The following PDZD8 variants were observed in gnomAD, a reference collection of about 807,000 sequenced individuals.
PDZD8 encodes the protein PDZ domain containing 8.
PDZD8 carries 14 observed loss-of-function variants against 85.8 expected under a neutral mutation model. That is an observed-to-expected ratio of 0.16 (90% CI 0.11 to 0.26). The LOEUF (loss-of-function observed/expected upper bound fraction) is 0.26, where lower values mean the gene tolerates loss of function less well. Among genes scored for constraint, PDZD8 ranks in the 10% least tolerant of loss-of-function variants. PDZD8 has a pLI of 1.00. For missense variants in PDZD8, 1,197 were observed against 1,424.3 expected (o/e 0.84, Z 2.57); for synonymous variants, 592 against 568.6 (o/e 1.04, Z -0.59).
At chr10:117,302,199 C>T (rs2133782410) in intron 3 of PDZD8, among the ~76,000 whole-genome samples, 1 of 152,322 alleles carries the variant, frequency 6.6e-6, no homozygotes, top group Middle Eastern at 3.4e-3. Flanking sequence ...GGACCCTCAA[C>T]TACTTGGAAA....
intron 3 of PDZD8, among the ~76,000 whole-genome samples, chr10:117,299,680 T>A (rs1250362891): frequency 2.0e-5 from 3 of 152,164 alleles, no homozygotes; most frequent in Non-Finnish European, 4.4e-5. Flanking sequence ...TTGCTTTTTC[T>A]TTATGATATC....
In PDZD8 at chr10:117,319,073, T is replaced by C. The variant is rs1274502208; in HGVS notation, c.996-99A>G. The C allele has an allele frequency of 9.1e-6, 7 of 773,352 alleles. No homozygotes were observed. In the East Asian group the frequency reaches 1.4e-4, roughly 15 times the overall value. The allele number at this position is 773,352 out of a possible 1,614,324, so 47.9% of individuals were successfully genotyped here. ...TAACAAGAAACAACACATTACTCCA[T>C]TACTATTATAGCTTTAGTAACAGAA... On this transcript the variant is annotated intron_variant, in intron 2 of 4. Coordinates refer to ENST00000334464, the MANE Select transcript of PDZD8 (RefSeq NM_173791.5).
At chr10:117,309,862 T>C (rs1277419349) in intron 3 of PDZD8, among the ~76,000 whole-genome samples, 2 of 151,952 alleles carry the variant, frequency 1.3e-5, no homozygotes, top group African/African-American at 2.4e-5. Flanking sequence ...ATGAAACGGG[T>C]TTGGGGACTC....
At chr10:117,359,407 C>A (rs992065000) in intron 1 of PDZD8, among the ~76,000 whole-genome samples, 9 of 151,002 alleles carry the variant, frequency 6.0e-5, no homozygotes, top group South Asian at 4.2e-4. Context: ...CAGAGCGAGA[C>A]CCTGTTTCAA....
chr10:117,331,498 G>A (rs1248939484), intron 2 of PDZD8, among the ~76,000 whole-genome samples: 1 of 152,090 alleles, frequency 6.6e-6, no homozygotes, highest in Non-Finnish European at 1.5e-5. Context: ...AATAAAGGCA[G>A]TTGTCTTTTG....
chr10:117,334,270 G>C (rs1844478313), intron 2 of PDZD8, among the ~76,000 whole-genome samples: 1 of 152,172 alleles, frequency 6.6e-6, no homozygotes, highest in Non-Finnish European at 1.5e-5. Flanking sequence ...GGTTGAAGCT[G>C]GTGGGCTGGA....
At chr10:117,311,832 G>A (rs1844042199) in intron 3 of PDZD8, among the ~76,000 whole-genome samples, 1 of 151,694 alleles carries the variant, frequency 6.6e-6, no homozygotes, top group Non-Finnish European at 1.5e-5. Flanking sequence ...TGGAAGGAAG[G>A]GCAGGGGGAG....
At chr10:117,298,825 G>C (rs552268406) in intron 3 of PDZD8, among the ~76,000 whole-genome samples, 97 of 152,222 alleles carry the variant, frequency 6.4e-4, no homozygotes, top group African/African-American at 2.2e-3. Context: ...ATTACATTTT[G>C]TCTTGTACAG....
intron 3 of PDZD8, among the ~76,000 whole-genome samples, chr10:117,314,848 C>T (rs1844096559): frequency 6.6e-6 from 1 of 152,176 alleles, no homozygotes; most frequent in Admixed American, 6.5e-5. Flanking sequence ...AACCTCGTGT[C>T]TCTAATTGCA....
intron 3 of PDZD8, among the ~76,000 whole-genome samples, chr10:117,303,231 G>A (rs1843877431): frequency 6.6e-6 from 1 of 152,216 alleles, no homozygotes; most frequent in Non-Finnish European, 1.5e-5. Flanking sequence ...AGATGGAGAT[G>A]AGGAACTTGT....
At chr10:117,334,584 A>ATT (rs1164639503) in intron 2 of PDZD8, among the ~76,000 whole-genome samples, 9 of 152,174 alleles carry the variant, frequency 5.9e-5, no homozygotes, top group Admixed American at 2.6e-4. Context: ...CAATGCAGCC[A>ATT]TTATATATAT....
intron 2 of PDZD8, among the ~76,000 whole-genome samples, chr10:117,331,393 T>C (rs979156171): frequency 1.3e-5 from 2 of 152,060 alleles, no homozygotes; most frequent in Admixed American, 6.6e-5. Flanking sequence ...CACAGAGAGG[T>C]TGAGTAACAT....
intron 2 of PDZD8, among the ~76,000 whole-genome samples, chr10:117,330,495 C>A (rs746599539): frequency 3.9e-5 from 6 of 152,194 alleles, no homozygotes; most frequent in Non-Finnish European, 1.5e-5. Flanking sequence ...CTGAGCAGAT[C>A]AACGTCAATG....
Position 117,375,039 on chromosome 10 carries a change from G to T in PDZD8, c.189C>A (p.Gly63=). The change falls in exon 1 of 5, where the codon GGC becomes GGA. Residue 63 remains glycine, a synonymous_variant. Transcript: ENST00000334464. The part of the protein sequence containing the change: ...GLLLREYLYG[G]GRDEEPSGAA... ...CTCCGGAGGGCTCCTCATCCCGGCC[G>T]CCGCCATAAAGGTACTCCCTTAGGA... 6.3e-7 allele frequency: 1 copy of T among 1,593,216 alleles called. No individual in the cohort carries two copies.
rs139785781 is a variant in PDZD8, at chr10:117,284,774, T to A, written c.1959A>T (p.Ala653=). ...DDAAAPKQFL[A]KQEVAKDVTS... ...TGACATCTTTGGCCACTTCTTGCTT[T>A]GCTAAAAATTGCTTAGGTGCAGCTG... Residue 653 remains alanine, a synonymous_variant, in exon 5 of 5, where the codon GCA becomes GCT. Coordinates refer to ENST00000334464, the MANE Select transcript of PDZD8 (RefSeq NM_173791.5). 8.7e-6 allele frequency: 14 copies of A among 1,614,146 alleles called. No individual in the cohort carries two copies. The highest frequency in any genetic ancestry group is 1.7e-5 in the Admixed American group (1 of 60,016).
chr10:117,298,436 T>G (rs1843791639), intron 3 of PDZD8, among the ~76,000 whole-genome samples: 1 of 152,106 alleles, frequency 6.6e-6, no homozygotes, highest in South Asian at 2.1e-4. Flanking sequence ...ATATACCAAA[T>G]TTTAGACAAT....
chr10:117,319,556 G>T (rs1460688591), intron 2 of PDZD8, among the ~76,000 whole-genome samples: 1 of 151,944 alleles, frequency 6.6e-6, no homozygotes, highest in Non-Finnish European at 1.5e-5. Context: ...TGAGTAAAAG[G>T]CAATGCACAC....
intron 2 of PDZD8, among the ~76,000 whole-genome samples, chr10:117,337,710 G>A (rs899011834): frequency 6.6e-6 from 1 of 152,124 alleles, no homozygotes. Context: ...TACATCTACT[G>A]TAGGTATCCT....
intron 2 of PDZD8, among the ~76,000 whole-genome samples, chr10:117,324,150 C>T (rs964889289): frequency 6.6e-5 from 9 of 136,582 alleles, no homozygotes; most frequent in African/African-American, 1.7e-4. Context: ...ACTGCTTGAA[C>T]GCGGGAGGCT....
Sources: allele counts gnomAD v4.1 joint callset (sites outside exome capture counted in the v4.1 genomes callset), GRCh38; gene constraint gnomAD v4.1.1; transcripts MANE v1.5; gene names NCBI Gene and HGNC (gene_info 2026-07-23, HGNC 2026-07-21).